USP46: variants seen among roughly 807,000 people sequenced by gnomAD.
The protein encoded by USP46 is ubiquitin carboxyl-terminal hydrolase 46.
Under a neutral mutation model 44.4 loss-of-function variants are expected in USP46, and 12 were observed. That is an observed-to-expected ratio of 0.27 (90% CI 0.17 to 0.44). USP46 has a LOEUF of 0.44. Among genes scored for constraint, USP46 ranks in the 20% least tolerant of loss-of-function variants. USP46 has a pLI of 1.00. For missense variants in USP46, 248 were observed against 444.8 expected, an observed-to-expected ratio of 0.56 and a Z score of 3.98; for synonymous variants, 155 against 161.5, an observed-to-expected ratio of 0.96 and a Z score of 0.31.
intron 4 of USP46, among the ~76,000 whole-genome samples, chr4:52,611,176 A>G (rs1258300087): frequency 6.6e-6 from 1 of 152,250 alleles, no homozygotes. Context: ...GGAAGTGGTC[A>G]TCACATGCAG....
chr4:52,650,419 T>C (rs1189683062), intron 1 of USP46, among the ~76,000 whole-genome samples: 1 of 152,218 alleles, frequency 6.6e-6, no homozygotes, highest in South Asian at 2.1e-4. Flanking sequence ...AAGTAAAGTA[T>C]AAGACATGTT....
chr4:52,653,254 C>T (rs1718833132), intron 1 of USP46, among the ~76,000 whole-genome samples: 1 of 152,068 alleles, frequency 6.6e-6, no homozygotes, highest in Non-Finnish European at 1.5e-5. Flanking sequence ...ACCTATAATC[C>T]TAGCACTTTG....
At chr4:52,619,451 A>G (rs915093421) in intron 4 of USP46, among the ~76,000 whole-genome samples, 1 of 152,246 alleles carries the variant, frequency 6.6e-6, no homozygotes, top group African/African-American at 2.4e-5. Flanking sequence ...ATCTAGTGCC[A>G]TTTAATCCTA....
At chr4:52,603,820 G>C (rs980157011) in intron 6 of USP46, among the ~76,000 whole-genome samples, 2 of 152,126 alleles carry the variant, frequency 1.3e-5, no homozygotes, top group Admixed American at 1.3e-4. Flanking sequence ...GAGTAGGTGG[G>C]ATCATAGGCA....
chr4:52,608,751 G>C (rs1716801419), intron 5 of USP46, among the ~76,000 whole-genome samples: 1 of 152,196 alleles, frequency 6.6e-6, no homozygotes, highest in African/African-American at 2.4e-5. Flanking sequence ...CCAATGTGCT[G>C]CCAGGGCAGA....
At position 52,602,017 on chromosome 4, in the gene USP46, G is replaced by A; in HGVS notation, c.760C>T (p.His254Tyr). The A allele has an allele frequency of 6.2e-7, 1 of 1,613,670 alleles. No homozygotes were observed. Reference sequence around the variant, plus strand: ...TCCATGTACTTGAACCGCTTTAGGTGCAGGGCCAAGATCATGGGCAGCTTT... The same window carrying A: ...TCCATGTACTTGAACCGCTTTAGGTACAGGGCCAAGATCATGGGCAGCTTT... ...VKKLPMILAL[H>Y]LKRFKYMEQL... The change falls in exon 7 of 9, where the codon CAC becomes TAC. Residue 254 changes from histidine (H) to tyrosine (Y), a missense_variant. His to Tyr is a moderately conservative substitution (Grantham distance 83). Transcript: ENST00000441222.
chr4:52,618,513 C>T (rs1335048817), intron 4 of USP46, among the ~76,000 whole-genome samples: 1 of 151,254 alleles, frequency 6.6e-6, no homozygotes, highest in African/African-American at 2.4e-5. Context: ...ATTGAATAGC[C>T]AGGCATGGTG....
rs1442924816 is a variant in USP46 at position 52,596,589 on chromosome 4, G to A, written c.*1051C>T. The A allele has an allele frequency of 1.3e-5, 2 of 152,184 alleles. No individual in the cohort carries two copies. Among genetic ancestry groups the A allele is most frequent in the Non-Finnish European group, 2.9e-5 (2 of 68,046 alleles). 9.4% of individuals were successfully genotyped at this position (152,184 alleles called of 1,614,324 possible). A position where few individuals can be genotyped will look rare whatever the true frequency, so the allele number is the denominator to read the frequency against. On this transcript the variant is annotated 3_prime_UTR_variant, in exon 9 of 9. Coordinates refer to ENST00000441222, the MANE Select transcript of USP46 (RefSeq NM_022832.4). The stretch of plus-strand genomic sequence containing the variant: ...AGCTAACTCTGGTATTCCCTCTAGG[G>A]AAGGTTCTGTATCAGCCCTGGGACT...
At chr4:52,607,903 C>G (rs1303950937) in intron 5 of USP46, among the ~76,000 whole-genome samples, 3 of 152,124 alleles carry the variant, frequency 2.0e-5, no homozygotes, top group Non-Finnish European at 4.4e-5. Flanking sequence ...AACAATGAGC[C>G]AATTAAACCT....
At chr4:52,612,588 C>T (rs570830364) in intron 4 of USP46, among the ~76,000 whole-genome samples, 77 of 152,344 alleles carry the variant, frequency 5.1e-4, no homozygotes, top group Non-Finnish European at 8.7e-4. Flanking sequence ...AAGGATAACC[C>T]CAGGCTAGCC....
chr4:52,645,856 TAGTG>T (rs1040830527), intron 1 of USP46, among the ~76,000 whole-genome samples: 17 of 152,284 alleles, frequency 1.1e-4, no homozygotes, highest in African/African-American at 3.6e-4. Flanking sequence ...GTTCTCATGA[TAGTG>T]AGTGAGTTCT....
intron 4 of USP46, among the ~76,000 whole-genome samples, chr4:52,612,387 C>A (rs541651682): frequency 1.3e-5 from 2 of 152,312 alleles, no homozygotes; most frequent in African/African-American, 4.8e-5. Flanking sequence ...CTCACCATTG[C>A]CTCTACTGGC....
chr4:52,625,740 A>G (rs1391083329), intron 4 of USP46, among the ~76,000 whole-genome samples: 2 of 152,092 alleles, frequency 1.3e-5, no homozygotes, highest in Non-Finnish European at 2.9e-5. Context: ...CATCCAATTC[A>G]ATAGATTAAA....
intron 2 of USP46, chr4:52,629,667 C>G (rs1461374540): frequency 2.2e-6 from 1 of 456,290 alleles, no homozygotes; most frequent in Non-Finnish European, 4.4e-6. Flanking sequence ...ACGCTTGGCC[C>G]CAATTCAGTG....
Position 52,659,252 on chromosome 4 carries a change from G to A in USP46, c.-102C>T, listed in dbSNP as rs1577706918. The A allele has an allele frequency of 7.3e-7, 1 of 1,364,760 alleles. No homozygotes were observed. Among genetic ancestry groups the A allele is most frequent in the Non-Finnish European group, 9.7e-7 (1 of 1,028,746 alleles). 84.5% of individuals were successfully genotyped at this position (1,364,760 alleles called of 1,614,324 possible). On this transcript the variant is annotated 5_prime_UTR_variant, in exon 1 of 9. Transcript: ENST00000441222. This position sits in a 1 kb window ranked among gnomAD's most constrained non-coding sequence, Gnocchi z 4.2. Reference sequence around the variant, plus strand: ...CGGGGAGGCCGGGCGGCAGCGCGGCGGCCTGGGGTCCGGCTTTCAGTTTGG... The same window carrying A: ...CGGGGAGGCCGGGCGGCAGCGCGGCAGCCTGGGGTCCGGCTTTCAGTTTGG...
chr4:52,615,276 T>C (rs772705314), intron 4 of USP46, among the ~76,000 whole-genome samples: 34 of 152,214 alleles, frequency 2.2e-4, no homozygotes, highest in Non-Finnish European at 4.4e-4. Flanking sequence ...CCAATTTCTA[T>C]GCCGTCCGCA....
chr4:52,623,038 G>GA (rs1271160783), intron 4 of USP46, among the ~76,000 whole-genome samples: 1 of 152,134 alleles, frequency 6.6e-6, no homozygotes, highest in Non-Finnish European at 1.5e-5. Context: ...AAGGCCAGAG[G>GA]AAAAAACAGA....
intron 5 of USP46, among the ~76,000 whole-genome samples, chr4:52,606,977 G>C (rs934364592): frequency 2.6e-5 from 4 of 152,166 alleles, no homozygotes; most frequent in Non-Finnish European, 4.4e-5. Context: ...GTGGAACGGG[G>C]AGCCAGAGGC....
chr4:52,632,977 AAAGAAAGAAAAGAAAAGAAAG>A (rs1717938271), intron 1 of USP46, among the ~76,000 whole-genome samples: 14 of 83,776 alleles, frequency 1.7e-4, no homozygotes, highest in African/African-American at 8.4e-4. Context: ...AGAAAGAAAG[AAAGAAAGAAAAGAAAAGAAAG>A]AAAGAAAGAA....
Sources: allele counts gnomAD v4.1 joint callset (sites outside exome capture counted in the v4.1 genomes callset), GRCh38; gene constraint gnomAD v4.1.1; non-coding constraint Gnocchi (gnomAD v3.1); transcripts MANE v1.5; gene names NCBI Gene and HGNC (gene_info 2026-07-23, HGNC 2026-07-21).